DDX41: variants seen among roughly 807,000 people sequenced by gnomAD.
DDX41 encodes probable ATP-dependent RNA helicase DDX41.
In DDX41, 50 loss-of-function variants were observed where a neutral mutation model predicts 78.8. The observed-to-expected ratio is 0.63, with a 90% confidence interval of 0.51 to 0.80. DDX41 has a LOEUF of 0.80. Among genes scored for constraint, DDX41 ranks in the 30% least tolerant of loss-of-function variants. DDX41 has a pLI of 0.00. For missense variants in DDX41, 633 were observed against 849.2 expected (o/e 0.75, Z 3.16); for synonymous variants, 381 against 321.5 (o/e 1.19, Z -1.98).
chr5:177,515,882 G>A, intron 5 of DDX41, 47 bp downstream of exon 5: 1 of 1,614,144 alleles, frequency 6.2e-7, no homozygotes, highest in Non-Finnish European at 8.5e-7. Context: ...GAGCATCCCT[G>A]CATGTACCAT....
rs369119236 is a variant in DDX41 at position 177,511,763 on chromosome 5, C to G, written c.*28G>C. On this transcript the variant is annotated 3_prime_UTR_variant, in exon 17 of 17. Coordinates refer to ENST00000330503, the MANE Select transcript of DDX41 (RefSeq NM_016222.4). ...TGGTGGCAGTCTTGGGGACTGAGGCCTCTTGGAGAGAAGGGAAGACTGTCG... is the reference window on the plus strand; with the variant it reads ...TGGTGGCAGTCTTGGGGACTGAGGCGTCTTGGAGAGAAGGGAAGACTGTCG... The G allele has an allele frequency of 7.5e-6, 12 of 1,609,470 alleles. No individual in the cohort carries two copies. Among genetic ancestry groups the G allele is most frequent in the Non-Finnish European group, 1.0e-5 (12 of 1,177,388 alleles).
intron 14 of DDX41, 27 bp from the exon 15 acceptor site, chr5:177,512,420 G>T (rs761545185): frequency 4.3e-6 from 7 of 1,614,088 alleles, no homozygotes; most frequent in Non-Finnish European, 5.9e-6. Context: ...AGAGTCTCTG[G>T]CCCATCGCTG....
chr5:177,512,305 G>A lies in DDX41; in HGVS notation c.1621+17C>T, dbSNP rs201284514. Reference sequence around the variant, plus strand: ...GGACCCAGGGAACAGCTAAGGTGGCGCTGGTAACAGACTCACCACACGCTT... The same window carrying A: ...GGACCCAGGGAACAGCTAAGGTGGCACTGGTAACAGACTCACCACACGCTT... On this transcript the variant is annotated intron_variant, in intron 15 of 16. Transcript: ENST00000330503. 28 of 1,614,010 alleles carry A rather than the reference G, an allele frequency of 1.7e-5. No homozygotes were observed. In the South Asian group the frequency reaches 2.1e-4, roughly 12 times the overall value.
Position 177,516,153 on chromosome 5 carries a change from T to C in DDX41, c.339A>G (p.Glu113=). Residue 113 remains glutamate (E), a synonymous_variant, in exon 4 of 17, where the codon GAA becomes GAG. Coordinates refer to ENST00000330503, the MANE Select transcript of DDX41 (RefSeq NM_016222.4). ...ESAKEKQLKE[E]EKILESVAEG... ...CGGCAACACTCTCCAGGATCTTCTCTTCTTCCTTCAGCTGCTTCTCCTTGG... is the reference window on the plus strand; with the variant it reads ...CGGCAACACTCTCCAGGATCTTCTCCTCTTCCTTCAGCTGCTTCTCCTTGG... 2 of 1,614,090 alleles carry C rather than the reference T, an allele frequency of 1.2e-6. No homozygotes were observed. The highest frequency in any genetic ancestry group is 4.5e-5 in the East Asian group (2 of 44,892).
Position 177,515,681 on chromosome 5 carries a change from C to G in DDX41, c.571+4G>C. On this transcript the variant is annotated splice_donor_region_variant and intron_variant, in intron 6 of 16. Transcript: ENST00000330503. ...TGTGGTATCTCTCTCCAGCCCCTGA[C>G]TACCTGCAGGAAACTTCATTTCCTT... is the stretch of plus-strand genomic sequence containing the variant. The G allele has an allele frequency of 1.2e-6, 2 of 1,613,912 alleles. No individual in the cohort carries two copies. The highest frequency in any genetic ancestry group is 2.2e-5 in the South Asian group (2 of 91,078).
Position 177,512,358 on chromosome 5 carries a change from T to G in DDX41, c.1585A>C (p.Thr529Pro), listed in dbSNP as rs1581802660. 6.2e-7 allele frequency: 1 copy of G among 1,613,990 alleles called. No homozygotes were observed. Among genetic ancestry groups the G allele is most frequent in the Non-Finnish European group, 8.5e-7 (1 of 1,179,980 alleles). Residue 529 changes from threonine (T) to proline (P), a missense_variant, in exon 15 of 17, where the codon ACA becomes CCA. Coordinates refer to ENST00000330503, the MANE Select transcript of DDX41 (RefSeq NM_016222.4). The stretch of plus-strand genomic sequence containing the variant: ...TTGATGAAGGTAGTGGCGATGCCTG[T>G]GTTTCCCGAGCGCCCGGTGCGGCCA... ...RIGRTGRSGN[T>P]GIATTFINKA...
At chr5:177,512,227 C>CA in intron 15 of DDX41, 21 bp from the exon 16 acceptor site, 5 of 1,613,796 alleles carry the variant, frequency 3.1e-6, no homozygotes, top group Non-Finnish European at 4.2e-6. Context: ...AGTGGGGAAG[C>CA]ATCAGGGCCC....
rs777324807 is a variant in DDX41, at chr5:177,514,659, C to T, written c.935+42G>A. 4.5e-5 allele frequency: 72 copies of T among 1,586,080 alleles called. No homozygotes were observed. The highest frequency in any genetic ancestry group is 5.9e-5 in the Non-Finnish European group (69 of 1,164,360). ...GGGTCCTTTAGCTTTTCCACAGACT[C>T]GCAGGTGGCAGAGGTGGGGGGCAGG... On this transcript the variant is annotated intron_variant, in intron 9 of 16. Coordinates refer to ENST00000330503, the MANE Select transcript of DDX41 (RefSeq NM_016222.4). This position sits in a 1 kb window ranked among gnomAD's most constrained non-coding sequence, Gnocchi z 4.2.
In DDX41 at chr5:177,514,323, T is replaced by G; in HGVS notation, c.935+378A>C. 1 of 476,312 alleles carries G rather than the reference T, an allele frequency of 2.1e-6. No homozygotes were observed. The highest frequency in any genetic ancestry group is 4.1e-6 in the Non-Finnish European group (1 of 246,048). The allele number at this position is 476,312 out of a possible 1,614,324, so 29.5% of individuals were successfully genotyped here. A position where few individuals can be genotyped will look rare whatever the true frequency, so the allele number is the denominator to read the frequency against. On this transcript the variant is annotated intron_variant, in intron 9 of 16. Coordinates refer to ENST00000330503, the MANE Select transcript of DDX41 (RefSeq NM_016222.4). This position sits in a 1 kb window ranked among gnomAD's most constrained non-coding sequence, Gnocchi z 4.2. ...CACAGGTGCCGCTGGGATCCAGCCCTACCCCAGTGCCTCAACCTCCTTGAC... is the reference window on the plus strand; with the variant it reads ...CACAGGTGCCGCTGGGATCCAGCCCGACCCCAGTGCCTCAACCTCCTTGAC...
In DDX41 at chr5:177,513,800, A is replaced by C. The variant is rs1581805799; in HGVS notation, c.983T>G (p.Leu328Arg). Residue 328 changes from leucine (L) to arginine (R), a missense_variant, in exon 10 of 17, where the codon CTG becomes CGG. Leu to Arg is a moderately radical substitution (Grantham distance 102, BLOSUM62 -2). Around this residue, in one of 6 missense-constraint regions of DDX41, gnomAD observed 151 missense variants for 169.2 expected, o/e 0.89. Coordinates refer to ENST00000330503, the MANE Select transcript of DDX41 (RefSeq NM_016222.4). The surrounding 1 kb of genome is among the most constrained non-coding windows in gnomAD (Gnocchi z 4.6). Reference protein sequence around the residue: ...VATPGRLMDLLQKKMVSLDIC... With the variant: ...VATPGRLMDLRQKKMVSLDIC... ...GTCTAGGCTGACCATCTTCTTCTGCAGCAAATCCATGAGGCGCCCCGGGGT... is the reference window on the plus strand; with the variant it reads ...GTCTAGGCTGACCATCTTCTTCTGCCGCAAATCCATGAGGCGCCCCGGGGT... 1 of 1,613,686 alleles carries C rather than the reference A, an allele frequency of 6.2e-7. No individual in the cohort carries two copies. Among genetic ancestry groups the C allele is most frequent in the East Asian group, 2.2e-5 (1 of 44,888 alleles).
chr5:177,516,127 T>A lies in DDX41; in HGVS notation c.365A>T (p.Glu122Val), dbSNP rs772916947. The change falls in exon 4 of 17, where the codon GAG (glutamate) becomes GTG (valine). Residue 122 changes from glutamate to valine, a missense_variant. Transcript: ENST00000330503. ...EEEKILESVAEGRALMSVKEM... is the reference protein window; with the variant it reads ...EEEKILESVAVGRALMSVKEM... ...CCTGGCTACAACCATACCTCGGCCC[T>A]CGGCAACACTCTCCAGGATCTTCTC... is the stretch of plus-strand genomic sequence containing the variant. 1 of 1,614,024 alleles carries A rather than the reference T, an allele frequency of 6.2e-7. No homozygotes were observed. The highest frequency in any genetic ancestry group is 1.1e-5 in the South Asian group (1 of 91,084).
Position 177,512,879 on chromosome 5 carries a change from G to A in DDX41, c.1303-3C>T. On this transcript the variant is annotated splice_region_variant and splice_polypyrimidine_tract_variant and intron_variant, in intron 12 of 16. Transcript: ENST00000330503. ...TTCTTCTCTGCAAAGATGAGTACCT[G>A]TCCGGAAAGACCAACTCCAGTCAGG... The A allele has an allele frequency of 6.2e-7, 1 of 1,613,702 alleles. No homozygotes were observed. Among genetic ancestry groups the A allele is most frequent in the Middle Eastern group, 1.7e-4 (1 of 6,060 alleles).
Position 177,511,937 on chromosome 5 carries a change from T to G in DDX41, c.1733-10A>C, listed in dbSNP as rs1307165069. ...GCACAGCCGCGCTCTCCTGGGGGAA[T>G]GGGGACAGGGGTCAGCCAAGTCAAG... On this transcript the variant is annotated splice_polypyrimidine_tract_variant and intron_variant, in intron 16 of 16. Transcript: ENST00000330503. The G allele has an allele frequency of 6.2e-7, 1 of 1,613,540 alleles. No individual in the cohort carries two copies. The highest frequency in any genetic ancestry group is 1.1e-5 in the South Asian group (1 of 91,078).
Position 177,516,270 on chromosome 5 carries a change from C to T in DDX41, c.298+18G>A, listed in dbSNP as rs751734769. The T allele has an allele frequency of 1.9e-6, 3 of 1,614,022 alleles. No homozygotes were observed. Among genetic ancestry groups the T allele is most frequent in the East Asian group, 4.5e-5 (2 of 44,900 alleles). ...CTCAGCTTCTTCTTTCTCGCCCAGG[C>T]AGTGCTGCCCAGCCCACCTTCAGCC... On this transcript the variant is annotated intron_variant, in intron 3 of 16. Coordinates refer to ENST00000330503, the MANE Select transcript of DDX41 (RefSeq NM_016222.4).
rs893694256 is a variant in DDX41, at chr5:177,511,641, G to A, written c.*150C>T. 8.6e-6 allele frequency: 9 copies of A among 1,044,370 alleles called. No individual in the cohort carries two copies. Among genetic ancestry groups the A allele is most frequent in the African/African-American group, 8.0e-5 (5 of 62,624 alleles). 64.7% of individuals were successfully genotyped at this position (1,044,370 alleles called of 1,614,324 possible). On this transcript the variant is annotated 3_prime_UTR_variant, in exon 17 of 17. Transcript: ENST00000330503. ...AGGAAACAAAAACAGTAATTCTGAA[G>A]AGCACAGGGAACAGGCAGCCAGGAC...
chr5:177,516,694 C>A (rs1413114298), intron 2 of DDX41, 31 bp downstream of exon 2: 1 of 1,559,678 alleles, frequency 6.4e-7, no homozygotes, highest in East Asian at 2.4e-5. Context: ...GCGGTCACGG[C>A]CCCATCCCTC....
chr5:177,513,281 A>G lies in DDX41; in HGVS notation c.1230+72T>C, dbSNP rs544821905. On this transcript the variant is annotated intron_variant, in intron 11 of 16. Coordinates refer to ENST00000330503, the MANE Select transcript of DDX41 (RefSeq NM_016222.4). This position sits in a 1 kb window ranked among gnomAD's most constrained non-coding sequence, Gnocchi z 4.6. ...CCCACAAGGTGGACCCCCGGCTCCAATCAGCTTCAGGGAGACTTGTCAGAT... is the reference window on the plus strand; with the variant it reads ...CCCACAAGGTGGACCCCCGGCTCCAGTCAGCTTCAGGGAGACTTGTCAGAT... The G allele has an allele frequency of 9.4e-6, 15 of 1,601,846 alleles. No individual in the cohort carries two copies. The highest frequency in any genetic ancestry group is 2.7e-5 in the African/African-American group (2 of 74,666).
intron 12 of DDX41, 51 bp from the exon 13 acceptor site, chr5:177,512,927 C>T (rs577345051): frequency 6.5e-5 from 105 of 1,606,482 alleles, no homozygotes; most frequent in East Asian, 4.0e-4. Context: ...GGGCACCCAC[C>T]GCACCTCCCC....
intron 6 of DDX41, 189 bp from the exon 7 acceptor site, chr5:177,515,447 G>A (rs1332082772): frequency 4.6e-6 from 4 of 867,336 alleles, no homozygotes; most frequent in Admixed American, 2.2e-5. Flanking sequence ...GGTGCAGCCA[G>A]GATTTGTACC....
Sources: allele counts gnomAD v4.1 joint callset, GRCh38; gene constraint gnomAD v4.1.1; regional missense constraint gnomAD v4.1.1; non-coding constraint Gnocchi (gnomAD v3.1); transcripts MANE v1.5; gene names NCBI Gene and HGNC (gene_info 2026-07-23, HGNC 2026-07-21).